Variants in OXR1 observed in about 807,000 individuals in gnomAD.
OXR1 encodes the protein oxidation resistance 1.
A neutral mutation model predicts 104.6 loss-of-function variants in OXR1; 41 were observed. That is an observed-to-expected ratio of 0.39 (90% CI 0.31 to 0.51). The LOEUF (loss-of-function observed/expected upper bound fraction) is 0.51. Ranked by LOEUF, OXR1 falls within the 20% of genes least tolerant of loss-of-function variation. OXR1 has a pLI of 0.77. For synonymous variants in OXR1, 348 were observed against 348.4 expected (o/e 1.00, Z 0.01); for missense variants, 955 against 1,031.9 (o/e 0.93, Z 1.02).
In OXR1 at chr8:106,405,141, CATATATATATATATAT is replaced by C. The variant is rs143485889; in HGVS notation, c.23+45551_23+45566del. On this transcript the variant is annotated intron_variant, in intron 2 of 16. Coordinates refer to ENST00000517566, the MANE Select transcript of OXR1 (RefSeq NM_001198533.2). ...GATTAGAGAGCCAATTCAGAAACCA[CATATATATATATATAT>C]ATATATATATATATATATATATATA... Among the ~76,000 whole-genome samples the C allele has an allele frequency of 2.8e-3, 224 of 79,794 alleles. 1 individual carries two copies. Among genetic ancestry groups the C allele is most frequent in the South Asian group, 5.1e-3 (10 of 1,942 alleles). 52.3% of individuals were successfully genotyped at this position (79,794 alleles called of 152,430 possible). A position where few individuals can be genotyped will look rare whatever the true frequency, so the allele number is the denominator to read the frequency against.
chr8:106,706,416 C>A lies in OXR1; in HGVS notation c.895C>A (p.His299Asn), dbSNP rs757421094. The A allele has an allele frequency of 1.6e-5, 25 of 1,583,018 alleles. No homozygotes were observed. In the East Asian group the frequency reaches 5.7e-4, roughly 36 times the overall value. ...IDQLSGRDFC[H>N]SKKMTGSNTE... ...TCAGCTATCAGGAAGGGACTTCTGC[C>A]ATTCAAAGAAAATGACAGGAAGTAA... is the stretch of plus-strand genomic sequence containing the variant. Residue 299 changes from histidine (H) to asparagine (N), a missense_variant, in exon 9 of 17, where the codon CAT becomes AAT. This residue lies in a region of OXR1 where 849 missense variants were observed against 852.9 expected (regional missense o/e 1.00). Transcript: ENST00000517566.
At chr8:106,482,334 T>C (rs1191159360) in intron 2 of OXR1, among the ~76,000 whole-genome samples, 2 of 151,664 alleles carry the variant, frequency 1.3e-5, no homozygotes, top group Admixed American at 1.3e-4. Context: ...AAGGGATCCA[T>C]TCAAGTAAAT....
intron 3 of OXR1, among the ~76,000 whole-genome samples, chr8:106,575,124 A>T (rs1817734589): frequency 6.6e-6 from 1 of 152,122 alleles, no homozygotes; most frequent in South Asian, 2.1e-4. Flanking sequence ...AAGTTCCAGA[A>T]TTTTTTCAAC....
intron 3 of OXR1, among the ~76,000 whole-genome samples, chr8:106,567,517 A>T (rs891377727): frequency 7.3e-6 from 1 of 137,526 alleles, no homozygotes; most frequent in African/African-American, 2.6e-5. Flanking sequence ...CTATGAGCAG[A>T]TGGCCAGATA....
At chr8:106,410,275 CT>C (rs1336850068) in intron 2 of OXR1, among the ~76,000 whole-genome samples, 3 of 152,088 alleles carry the variant, frequency 2.0e-5, no homozygotes, top group Non-Finnish European at 2.9e-5. Context: ...TAAAGAGATT[CT>C]TTTGTTGCCA....
intron 3 of OXR1, among the ~76,000 whole-genome samples, chr8:106,520,224 G>A (rs755892961): frequency 6.6e-6 from 1 of 150,754 alleles, no homozygotes; most frequent in African/African-American, 2.5e-5. Context: ...TGATTTTTTA[G>A]TAGCCATTCC....
chr8:106,738,425 G>A (rs1834602252), intron 12 of OXR1, among the ~76,000 whole-genome samples: 1 of 151,842 alleles, frequency 6.6e-6, no homozygotes, highest in Non-Finnish European at 1.5e-5. Context: ...AACATGTATT[G>A]GTTGCAAATA....
chr8:106,346,869 C>T (rs1335705100), intron 1 of OXR1, among the ~76,000 whole-genome samples: 2 of 152,144 alleles, frequency 1.3e-5, no homozygotes, highest in African/African-American at 4.8e-5. Flanking sequence ...GAAACCCCGT[C>T]TCTACTAAAA....
chr8:106,628,490 C>G (rs894334129), intron 3 of OXR1, among the ~76,000 whole-genome samples: 1 of 152,184 alleles, frequency 6.6e-6, no homozygotes, highest in African/African-American at 2.4e-5. Context: ...AATTTTATCT[C>G]TCCAACTCCA....
intron 1 of OXR1, among the ~76,000 whole-genome samples, chr8:106,302,863 T>C (rs1371188293): frequency 6.6e-6 from 1 of 151,750 alleles, no homozygotes; most frequent in Non-Finnish European, 1.5e-5. Flanking sequence ...GCCATTCTCC[T>C]GCCTCGGCCT....
intron 1 of OXR1, among the ~76,000 whole-genome samples, chr8:106,347,325 C>A (rs1462325817): frequency 6.6e-6 from 1 of 152,156 alleles, no homozygotes; most frequent in Admixed American, 6.5e-5. Flanking sequence ...GCAATATGCC[C>A]TAACAAATAA....
intron 11 of OXR1, among the ~76,000 whole-genome samples, chr8:106,727,308 T>C (rs745483983): frequency 6.6e-6 from 1 of 152,160 alleles, no homozygotes; most frequent in Non-Finnish European, 1.5e-5. Context: ...TTATTACAAA[T>C]ACAAGCAAAA....
intron 7 of OXR1, among the ~76,000 whole-genome samples, chr8:106,694,475 A>ATATATATATTTGATATATAAATATGTTTT (rs1563715808): frequency 7.0e-5 from 8 of 113,836 alleles, no homozygotes; most frequent in Non-Finnish European, 1.7e-5. Flanking sequence ...AAATATATTT[A>ATATATATATTTGATATATAAATATGTTTT]TATATATATT....
intron 1 of OXR1, among the ~76,000 whole-genome samples, chr8:106,326,729 G>A (rs1814485893): frequency 6.6e-6 from 1 of 152,144 alleles, no homozygotes; most frequent in Non-Finnish European, 1.5e-5. Flanking sequence ...AACATGCCTG[G>A]AACATTTGAG....
chr8:106,535,987 G>A (rs1170999143), intron 3 of OXR1, among the ~76,000 whole-genome samples: 6 of 151,986 alleles, frequency 3.9e-5, no homozygotes, highest in South Asian at 2.1e-4. Flanking sequence ...TTGGGAGGCC[G>A]AGGTGGGCGG....
intron 3 of OXR1, among the ~76,000 whole-genome samples, chr8:106,639,755 G>A (rs1462737070): frequency 3.3e-5 from 5 of 152,146 alleles, no homozygotes; most frequent in Non-Finnish European, 5.9e-5. Context: ...GAGTCCTAGT[G>A]TATAAACTAT....
chr8:106,331,937 A>T (rs1370744911), intron 1 of OXR1, among the ~76,000 whole-genome samples: 1 of 150,310 alleles, frequency 6.7e-6, no homozygotes, highest in Admixed American at 6.6e-5. Context: ...CTCTGTCTCA[A>T]AAAAAAAAAT....
chr8:106,692,739 C>G lies in OXR1; in HGVS notation c.537C>G (p.Val179=), dbSNP rs1829437588. The change falls in exon 7 of 17, where the codon GTC becomes GTG. Residue 179 remains valine, a synonymous_variant. Coordinates refer to ENST00000517566, the MANE Select transcript of OXR1 (RefSeq NM_001198533.2). The stretch of plus-strand genomic sequence containing the variant: ...AAAAAAAAAAAAAGAATCCTGATGT[C>G]CATCCAACAGAAGCAACTCCCTCAT... ...AEFDKTTNPD[V]HPTEATPSST... 1.4e-6 allele frequency: 2 copies of G among 1,467,818 alleles called. No homozygotes were observed. The highest frequency in any genetic ancestry group is 1.8e-6 in the Non-Finnish European group (2 of 1,104,682). 90.9% of individuals were successfully genotyped at this position (1,467,818 alleles called of 1,614,324 possible).
intron 11 of OXR1, chr8:106,726,375 A>G (rs1274096511): frequency 1.2e-6 from 1 of 847,958 alleles, no homozygotes; most frequent in Non-Finnish European, 1.7e-6. Context: ...ATTATGAAAA[A>G]TTATACAATT....
Sources: allele counts gnomAD v4.1 joint callset (sites outside exome capture counted in the v4.1 genomes callset), GRCh38; gene constraint gnomAD v4.1.1; regional missense constraint gnomAD v4.1.1; transcripts MANE v1.5; gene names NCBI Gene and HGNC (gene_info 2026-07-23, HGNC 2026-07-21).